Variants in HDLBP observed in about 807,000 individuals in gnomAD.
HDLBP encodes the protein vigilin.
Under a neutral mutation model 137.3 loss-of-function variants are expected in HDLBP, and 30 were observed. The ratio of observed to expected loss-of-function variants is 0.22; its 90% CI spans 0.16 to 0.30. The LOEUF is 0.30. Ranked by LOEUF, HDLBP falls within the 10% of genes least tolerant of loss-of-function variation. HDLBP has a pLI of 1.00. For synonymous variants in HDLBP, 606 were observed against 596.0 expected, an observed-to-expected ratio of 1.02 and a Z score of -0.24; for missense variants, 1,119 against 1,667.3, an observed-to-expected ratio of 0.67 and a Z score of 5.73.
At chr2:241,263,155 G>C (rs1171580883) in intron 4 of HDLBP, among the ~76,000 whole-genome samples, 3 of 152,204 alleles carry the variant, frequency 2.0e-5, no homozygotes, top group East Asian at 1.9e-4. Flanking sequence ...AAATGAATGA[G>C]GCAGCTAGCA....
chr2:241,262,687 A>T (rs1269304132), intron 5 of HDLBP, 24 bp downstream of exon 5: 1 of 1,564,504 alleles, frequency 6.4e-7, no homozygotes, highest in African/African-American at 1.3e-5. Flanking sequence ...GTCACTGGGG[A>T]GAAGTAGGCC....
intron 3 of HDLBP, among the ~76,000 whole-genome samples, chr2:241,264,881 T>C (rs550912977): frequency 6.6e-6 from 1 of 152,228 alleles, no homozygotes; most frequent in South Asian, 2.1e-4. Flanking sequence ...TTGGTAAACA[T>C]CAGCTCAGAC....
In HDLBP at chr2:241,272,062, A is replaced by C. The variant is rs2074087606; in HGVS notation, c.-102-3521T>G. 5 of 457,406 alleles carry C rather than the reference A, an allele frequency of 1.1e-5. No individual in the cohort carries two copies. Among genetic ancestry groups the C allele is most frequent in the Non-Finnish European group, 1.4e-5 (5 of 347,086 alleles). The allele number at this position is 457,406 out of a possible 1,614,324, so 28.3% of individuals were successfully genotyped here. Reference sequence around the variant, plus strand: ...CCCTCGGCCTCCCCGCCTTTCATCCAAATTCGGTACTTTTCCGTAATGTAT... The same window carrying C: ...CCCTCGGCCTCCCCGCCTTTCATCCCAATTCGGTACTTTTCCGTAATGTAT... On this transcript the variant is annotated intron_variant, in intron 1 of 27. Coordinates refer to ENST00000310931, the MANE Select transcript of HDLBP (RefSeq NM_005336.6). The surrounding 1 kb of genome is among the most constrained non-coding windows in gnomAD (Gnocchi z 5.6).
chr2:241,247,880 C>T lies in HDLBP; in HGVS notation c.1731+123G>A. The T allele has an allele frequency of 6.1e-6, 4 of 660,096 alleles. No homozygotes were observed. The South Asian group carries it at 7.4e-5, about 12-fold the overall frequency. The allele number at this position is 660,096 out of a possible 1,614,324, so 40.9% of individuals were successfully genotyped here. On this transcript the variant is annotated intron_variant, in intron 14 of 27. Coordinates refer to ENST00000310931, the MANE Select transcript of HDLBP (RefSeq NM_005336.6). ...GTCCCAAGTCCCTGAGATGGAAGGC[C>T]AGCCCAGGGCCTATGTGCTTTCCCC... is the stretch of plus-strand genomic sequence containing the variant.
At chr2:241,261,374 A>G (rs1160524783) in intron 5 of HDLBP, among the ~76,000 whole-genome samples, 2 of 152,312 alleles carry the variant, frequency 1.3e-5, no homozygotes, top group East Asian at 1.9e-4. Flanking sequence ...TTAAAAAGGT[A>G]TAATATTAAG....
chr2:241,235,441 G>T, intron 22 of HDLBP, 49 bp downstream of exon 22: 2 of 1,492,320 alleles, frequency 1.3e-6, no homozygotes, highest in Non-Finnish European at 1.9e-6. Context: ...CTCGGGAGAG[G>T]ATGCGACAGG....
intron 24 of HDLBP, 71 bp from the exon 25 acceptor site, chr2:241,231,015 C>A: frequency 7.3e-7 from 1 of 1,375,700 alleles, no homozygotes; most frequent in Non-Finnish European, 1.0e-6. Context: ...AGAGCCGGCC[C>A]CCACTGCTGA....
At chr2:241,234,852 C>G (rs572559530) in intron 23 of HDLBP, among the ~76,000 whole-genome samples, 53 of 152,308 alleles carry the variant, frequency 3.5e-4, no homozygotes, top group African/African-American at 1.2e-3. Flanking sequence ...GTCTGAGGTA[C>G]CACTCTGATT....
intron 11 of HDLBP, 132 bp downstream of exon 11, chr2:241,252,823 TAA>T: frequency 1.7e-6 from 1 of 592,146 alleles, no homozygotes; most frequent in Non-Finnish European, 3.0e-6. Context: ...CAGGAGGATG[TAA>T]AGTCTGTAAC....
rs553541966 is a variant in HDLBP at position 241,304,746 on chromosome 2, A to G, written c.-103+10824T>C. On this transcript the variant is annotated intron_variant, in intron 1 of 27. Coordinates refer to ENST00000310931, the MANE Select transcript of HDLBP (RefSeq NM_005336.6). ...CTGGTTGGTCCCACTCCTGAACTAG[A>G]AAGTGCTGTGTGGGCAGGATATCCC... is the stretch of plus-strand genomic sequence containing the variant. Among the ~76,000 whole-genome samples the G allele has an allele frequency of 8.5e-5, 13 of 152,352 alleles. 1 individual carries two copies. The highest frequency in any genetic ancestry group is 8.5e-4 in the Admixed American group (13 of 15,304).
intron 1 of HDLBP, among the ~76,000 whole-genome samples, chr2:241,293,692 G>C (rs1407948904): frequency 6.6e-6 from 1 of 152,022 alleles, no homozygotes; most frequent in African/African-American, 2.4e-5. Flanking sequence ...GGCTGAGGCA[G>C]GCAGATCGCT....
chr2:241,244,719 G>A (rs748042530), intron 16 of HDLBP, among the ~76,000 whole-genome samples: 65 of 152,142 alleles, frequency 4.3e-4, no homozygotes, highest in South Asian at 1.0e-3. Flanking sequence ...CAAGGATCAC[G>A]CCAAGAAATG....
In HDLBP at chr2:241,255,497, C is replaced by T. The variant is rs2072543067; in HGVS notation, c.957G>A (p.Gln319=). 1 of 1,614,016 alleles carries T rather than the reference C, an allele frequency of 6.2e-7. No homozygotes were observed. ...YVIGPKGNSL[Q]EILERTGVSV... ...AAACTCCAGTTCTCTCAAGGATCTCCTGCAATGAATTGCCCTTGGGCCCAA... is the reference window on the plus strand; with the variant it reads ...AAACTCCAGTTCTCTCAAGGATCTCTTGCAATGAATTGCCCTTGGGCCCAA... The change falls in exon 8 of 28, where the codon CAG becomes CAA. Residue 319 remains glutamine, a synonymous_variant. Coordinates refer to ENST00000310931, the MANE Select transcript of HDLBP (RefSeq NM_005336.6).
At chr2:241,284,223 G>A (rs926333653) in intron 1 of HDLBP, among the ~76,000 whole-genome samples, 6 of 152,222 alleles carry the variant, frequency 3.9e-5, no homozygotes, top group African/African-American at 1.4e-4. Context: ...TAAGGCTACA[G>A]CTGCCATAGA....
intron 5 of HDLBP, among the ~76,000 whole-genome samples, chr2:241,262,462 A>AT (rs1292252022): frequency 1.5e-4 from 23 of 152,100 alleles, no homozygotes; most frequent in African/African-American, 5.5e-4. Flanking sequence ...CTCTTAAAAA[A>AT]AAAATTATTA....
At chr2:241,304,548 T>A (rs1293450739) in intron 1 of HDLBP, among the ~76,000 whole-genome samples, 2 of 152,266 alleles carry the variant, frequency 1.3e-5, no homozygotes, top group Non-Finnish European at 2.9e-5. Flanking sequence ...TAAATGGCTT[T>A]AGGGCTGGGA....
At chr2:241,279,867 T>C (rs2074532401) in intron 1 of HDLBP, 1 of 970,188 alleles carries the variant, frequency 1.0e-6, no homozygotes, top group Non-Finnish European at 1.2e-6. Context: ...AAGAACCTAA[T>C]TGTCAGTGGA....
intron 21 of HDLBP, 158 bp downstream of exon 21, chr2:241,236,457 G>T: frequency 1.4e-6 from 1 of 728,380 alleles, no homozygotes; most frequent in Non-Finnish European, 2.3e-6. Context: ...GTGTCCAGCC[G>T]AGAAGCACAG....
rs914528592 is a variant in HDLBP at position 241,236,992 on chromosome 2, G to C, written c.2750-223C>G. 5.2e-3 allele frequency among the ~76,000 whole-genome samples: 738 copies of C among 140,710 alleles called. 22 individuals are homozygous for C. The highest frequency in any genetic ancestry group is 0.017 in the African/African-American group (665 of 38,044). The allele number at this position is 140,710 out of a possible 152,430, so 92.3% of individuals were successfully genotyped here. On this transcript the variant is annotated intron_variant, in intron 20 of 27. Coordinates refer to ENST00000310931, the MANE Select transcript of HDLBP (RefSeq NM_005336.6). ...TCCCAGACCTTGGGGGGGGGGGGGG[G>C]GGCGGCAATGAAGGCTTTGCCGGGA...
Sources: gnomAD v4.1 joint callset for allele counts (sites outside exome capture counted in the v4.1 genomes callset) on GRCh38, gnomAD v4.1.1 for gene constraint, Gnocchi (gnomAD v3.1) non-coding constraint, MANE v1.5 for transcripts, NCBI Gene and HGNC (gene_info 2026-07-23, HGNC 2026-07-21) for gene names.